Variants in CREB5 observed in about 807,000 individuals in gnomAD.
CREB5 encodes cyclic AMP-responsive element-binding protein 5.
A neutral mutation model predicts 57.1 loss-of-function variants in CREB5; 19 were observed. That is an observed-to-expected ratio of 0.33 (90% CI 0.23 to 0.49). CREB5 has a LOEUF of 0.49. Ranked by LOEUF, CREB5 falls within the 20% of genes least tolerant of loss-of-function variation. The probability of loss-of-function intolerance (pLI) is 0.99; values close to 1 mark genes in which losing one functional copy is unlikely to be tolerated. For synonymous variants in CREB5, 238 were observed against 238.3 expected, an observed-to-expected ratio of 1.00 and a Z score of 0.01; for missense variants, 579 against 671.6, an observed-to-expected ratio of 0.86 and a Z score of 1.52.
At chr7:28,658,797 G>A (rs1016410032) in intron 5 of CREB5, among the ~76,000 whole-genome samples, 11 of 151,646 alleles carry the variant, frequency 7.3e-5, no homozygotes, top group African/African-American at 2.7e-4. Flanking sequence ...CACAACTGGT[G>A]AAAACCATGG....
At chr7:28,691,419 CCAAA>C (rs1801250767) in intron 5 of CREB5, among the ~76,000 whole-genome samples, 3 of 91,992 alleles carry the variant, frequency 3.3e-5, no homozygotes, top group African/African-American at 4.6e-5. Context: ...GACTCTGTCT[CCAAA>C]AAAAAAAAAA....
At chr7:28,802,947 C>T (rs1487388450) in intron 7 of CREB5, among the ~76,000 whole-genome samples, 2 of 152,334 alleles carry the variant, frequency 1.3e-5, no homozygotes, top group African/African-American at 4.8e-5. Flanking sequence ...CAGAACATAG[C>T]AGATTCATTC....
At chr7:28,553,785 C>T (rs998483027) in intron 4 of CREB5, among the ~76,000 whole-genome samples, 27 of 152,110 alleles carry the variant, frequency 1.8e-4, no homozygotes, top group African/African-American at 6.0e-4. Context: ...GTTAAGTGGC[C>T]GACTGGGACT....
chr7:28,454,756 A>AT (rs1332994806), intron 1 of CREB5, among the ~76,000 whole-genome samples: 3 of 152,040 alleles, frequency 2.0e-5, no homozygotes, highest in African/African-American at 7.2e-5. Context: ...AGCATATAAA[A>AT]TTTTTTTTCA....
At chr7:28,442,878 G>A (rs879732812) in intron 1 of CREB5, among the ~76,000 whole-genome samples, 3 of 152,072 alleles carry the variant, frequency 2.0e-5, no homozygotes, top group Admixed American at 2.0e-4. Context: ...AATAATTAGG[G>A]TAAATGCATA....
At chr7:28,584,253 A>ATT (rs1796231087) in intron 5 of CREB5, among the ~76,000 whole-genome samples, 1 of 151,984 alleles carries the variant, frequency 6.6e-6, no homozygotes, top group East Asian at 1.9e-4. Flanking sequence ...CTCTTTAATT[A>ATT]TTGCATGTAT....
At chr7:28,711,558 G>A (rs1802401053) in intron 5 of CREB5, among the ~76,000 whole-genome samples, 1 of 152,202 alleles carries the variant, frequency 6.6e-6, no homozygotes, top group East Asian at 1.9e-4. Context: ...GGGTCAGGCA[G>A]CTTTCTCGTG....
chr7:28,316,867 C>T (rs1321796573), intron 1 of CREB5, among the ~76,000 whole-genome samples: 2 of 151,880 alleles, frequency 1.3e-5, no homozygotes, highest in Non-Finnish European at 2.9e-5. Context: ...CTTCTCCAAG[C>T]CTCCATATCC....
At chr7:28,570,645 A>G (rs919888979) in intron 5 of CREB5, 108 bp downstream of exon 5, 5 of 1,257,032 alleles carry the variant, frequency 4.0e-6, no homozygotes, top group African/African-American at 1.5e-5. Context: ...TCTGGCTGTC[A>G]TGATATTGCC....
Position 28,363,571 on chromosome 7 carries a change from T to G in CREB5, c.-25+64130T>G, listed in dbSNP as rs149286919. ...CACCGAGAATGGGTTTGAACTTCCT[T>G]ACAGAACTTACTGTGGGTCTGAATC... On this transcript the variant is annotated intron_variant, in intron 1 of 9. Coordinates refer to the CREB5 transcript ENST00000396299. Among the ~76,000 whole-genome samples the G allele has an allele frequency of 2.2e-3, 331 of 152,114 alleles. 3 individuals carry two copies. Among genetic ancestry groups the G allele is most frequent in the African/African-American group, 7.5e-3 (313 of 41,490 alleles).
chr7:28,307,456 A>G (rs113103358), intron 1 of CREB5, among the ~76,000 whole-genome samples: 4 of 152,368 alleles, frequency 2.6e-5, no homozygotes, highest in African/African-American at 9.6e-5. Flanking sequence ...GCCCCTCACC[A>G]GGTACTGAAC....
chr7:28,387,774 A>G (rs1348529177), intron 1 of CREB5, among the ~76,000 whole-genome samples: 2 of 152,170 alleles, frequency 1.3e-5, no homozygotes, highest in African/African-American at 4.8e-5. Flanking sequence ...ATAAACCTGC[A>G]CATCCTGCAC....
intron 4 of CREB5, among the ~76,000 whole-genome samples, chr7:28,559,409 G>A (rs1196542588): frequency 1.3e-5 from 2 of 152,154 alleles, no homozygotes; most frequent in Non-Finnish European, 2.9e-5. Flanking sequence ...CTGCCTCCCA[G>A]GTTTAAGCGA....
chr7:28,560,627 C>G (rs180805931), intron 4 of CREB5, among the ~76,000 whole-genome samples: 18 of 152,124 alleles, frequency 1.2e-4, no homozygotes, highest in African/African-American at 4.1e-4. Context: ...CAAGAAGAGG[C>G]AAGGCAGATG....
intron 5 of CREB5, among the ~76,000 whole-genome samples, chr7:28,589,423 A>G (rs970235459): frequency 1.4e-4 from 21 of 152,116 alleles, no homozygotes; most frequent in Non-Finnish European, 1.0e-4. Flanking sequence ...GTGTGGTGGC[A>G]GGTGCCTGTA....
At chr7:28,311,581 A>G (rs1785278161) in intron 1 of CREB5, among the ~76,000 whole-genome samples, 1 of 152,226 alleles carries the variant, frequency 6.6e-6, no homozygotes, top group Non-Finnish European at 1.5e-5. Context: ...TAGTGTAGCC[A>G]CTGATGTTCT....
chr7:28,371,877 C>T (rs1786712798), intron 1 of CREB5, among the ~76,000 whole-genome samples: 1 of 152,152 alleles, frequency 6.6e-6, no homozygotes, highest in African/African-American at 2.4e-5. Context: ...CGCTCCCAAT[C>T]ATGGTTAAGT....
intron 5 of CREB5, among the ~76,000 whole-genome samples, chr7:28,670,051 A>G (rs953870290): frequency 1.3e-5 from 2 of 152,226 alleles, no homozygotes; most frequent in Non-Finnish European, 2.9e-5. Context: ...CAGTTGGTAC[A>G]TGGTCTGAAA....
At chr7:28,556,078 G>T (rs892321942) in intron 4 of CREB5, among the ~76,000 whole-genome samples, 2 of 152,142 alleles carry the variant, frequency 1.3e-5, no homozygotes, top group African/African-American at 2.4e-5. Context: ...CTTCTGCTTA[G>T]GGAGTCAACC....
Sources: allele counts gnomAD v4.1 joint callset (sites outside exome capture counted in the v4.1 genomes callset), GRCh38; gene constraint gnomAD v4.1.1; transcripts MANE v1.5; gene names NCBI Gene and HGNC (gene_info 2026-07-23, HGNC 2026-07-21).